The following WAC variants were observed in gnomAD, a reference collection of about 807,000 sequenced individuals.
WAC encodes the protein WW domain-containing adapter protein with coiled-coil.
Under a neutral mutation model 79.6 loss-of-function variants are expected in WAC, and 11 were observed. The ratio of observed to expected loss-of-function variants is 0.14; its 90% CI spans 0.09 to 0.23. WAC has a LOEUF of 0.23. Among genes scored for constraint, WAC ranks in the 10% least tolerant of loss-of-function variants. The pLI, the probability that WAC is intolerant of heterozygous loss-of-function variation, is 1.00. For synonymous variants in WAC, 304 were observed against 276.9 expected (o/e 1.10, Z -0.97); for missense variants, 728 against 773.5 (o/e 0.94, Z 0.70).
At chr10:28,572,521 C>A (rs1271306161) in intron 3 of WAC, among the ~76,000 whole-genome samples, 4 of 151,984 alleles carry the variant, frequency 2.6e-5, no homozygotes, top group African/African-American at 9.7e-5. Context: ...ATCTAAAAAT[C>A]TTACTCTTGG....
chr10:28,569,030 G>A (rs373683041), intron 3 of WAC, among the ~76,000 whole-genome samples: 8 of 152,144 alleles, frequency 5.3e-5, no homozygotes, highest in African/African-American at 1.9e-4. Flanking sequence ...AAATGATGGT[G>A]TAAGAGGCAC....
At chr10:28,590,887 T>A in intron 6 of WAC, 55 bp downstream of exon 6, 1 of 1,365,930 alleles carries the variant, frequency 7.3e-7, no homozygotes, top group Non-Finnish European at 1.0e-6. Flanking sequence ...CGTATTTATT[T>A]TTCAAATCTG....
Position 28,596,066 on chromosome 10 carries a change from C to T in WAC, c.919+25C>T, listed in dbSNP as rs1312068078. On this transcript the variant is annotated intron_variant, in intron 7 of 13. Transcript: ENST00000354911. ...GGTATGCCATTATTACTAGATGCTGCACGTTGAACTATAGTTTCTAAGTTT... is the reference window on the plus strand; with the variant it reads ...GGTATGCCATTATTACTAGATGCTGTACGTTGAACTATAGTTTCTAAGTTT... 3.4e-5 allele frequency: 54 copies of T among 1,593,274 alleles called. No individual in the cohort carries two copies. The East Asian group carries it at 1.2e-3, about 36-fold the overall frequency.
chr10:28,619,466 T>TTA (rs1325577941), intron 13 of WAC, 71 bp from the exon 14 acceptor site: 7 of 1,173,692 alleles, frequency 6.0e-6, no homozygotes, highest in South Asian at 3.3e-5. Flanking sequence ...AAAATTTTAA[T>TTA]TATAAAAGCT....
At chr10:28,559,956 T>G (rs952597357) in intron 3 of WAC, among the ~76,000 whole-genome samples, 1 of 152,210 alleles carries the variant, frequency 6.6e-6, no homozygotes, top group Non-Finnish European at 1.5e-5. Context: ...TTCCTCTGAA[T>G]AGAATGACTT....
chr10:28,600,017 C>T, intron 7 of WAC, among the ~76,000 whole-genome samples: 1 of 152,152 alleles, frequency 6.6e-6, no homozygotes, highest in South Asian at 2.1e-4. Flanking sequence ...GGTGAAATGA[C>T]AAAATAGGAA....
chr10:28,534,238 C>G lies in WAC; in HGVS notation c.78+204C>G, dbSNP rs557507265. The G allele has an allele frequency of 6.1e-5, 28 of 458,924 alleles. No individual in the cohort carries two copies. In the South Asian group the frequency reaches 1.1e-3, roughly 18 times the overall value. 28.4% of individuals were successfully genotyped at this position (458,924 alleles called of 1,614,324 possible). On this transcript the variant is annotated intron_variant, in intron 2 of 13. Transcript: ENST00000354911. The stretch of plus-strand genomic sequence containing the variant: ...TTTAGTGACTTATTTTGACAGGTGA[C>G]TGGAGGGAGTTCGCTGATTTAGGAA...
chr10:28,590,880 A>G lies in WAC; in HGVS notation c.610+48A>G, dbSNP rs749956487. 4.2e-6 allele frequency: 6 copies of G among 1,411,986 alleles called. No homozygotes were observed. The South Asian group carries it at 5.1e-5, about 12-fold the overall frequency. 87.5% of individuals were successfully genotyped at this position (1,411,986 alleles called of 1,614,324 possible). ...TGAAATGTATGTTTGACTTATTCGT[A>G]TTTATTTTTCAAATCTGTATCCATT... is the stretch of plus-strand genomic sequence containing the variant. On this transcript the variant is annotated intron_variant, in intron 6 of 13. Transcript: ENST00000354911.
At chr10:28,552,877 G>A (rs1170115836) in intron 3 of WAC, among the ~76,000 whole-genome samples, 3 of 98,246 alleles carry the variant, frequency 3.1e-5, no homozygotes, top group Non-Finnish European at 4.2e-5. Flanking sequence ...TTGTCTTCTT[G>A]GGTAAAGAAC....
chr10:28,555,277 C>T (rs1481614440), intron 3 of WAC, among the ~76,000 whole-genome samples: 4 of 152,166 alleles, frequency 2.6e-5, no homozygotes, highest in African/African-American at 7.2e-5. Flanking sequence ...TCCTGCCTAG[C>T]CCCCTTACCT....
intron 3 of WAC, among the ~76,000 whole-genome samples, chr10:28,560,176 T>G (rs1452204151): frequency 6.6e-6 from 1 of 152,020 alleles, no homozygotes; most frequent in African/African-American, 2.4e-5. Context: ...ACTCTGTTTC[T>G]GCAAAAAATA....
At chr10:28,539,262 A>G (rs1023489743) in intron 3 of WAC, among the ~76,000 whole-genome samples, 1 of 152,224 alleles carries the variant, frequency 6.6e-6, no homozygotes, top group Non-Finnish European at 1.5e-5. Flanking sequence ...GGACTTGCAG[A>G]TACAATATAA....
intron 9 of WAC, chr10:28,611,143 A>G: frequency 1.1e-5 from 8 of 720,612 alleles, no homozygotes; most frequent in Non-Finnish European, 1.6e-5. Context: ...GATGTGCCAT[A>G]TATCTTTGTG....
intron 2 of WAC, chr10:28,534,419 TA>T (rs762774769): frequency 2.2e-4 from 44 of 198,482 alleles, no homozygotes; most frequent in Admixed American, 4.2e-4. Context: ...GTATTAAAAT[TA>T]AGTGAAGAAC....
chr10:28,555,285 C>T (rs1161808985), intron 3 of WAC, among the ~76,000 whole-genome samples: 1 of 152,220 alleles, frequency 6.6e-6, no homozygotes, highest in African/African-American at 2.4e-5. Context: ...AGCCCCCTTA[C>T]CTCTCCAACC....
At chr10:28,603,830 A>T (rs1840757980) in intron 7 of WAC, among the ~76,000 whole-genome samples, 1 of 150,400 alleles carries the variant, frequency 6.6e-6, no homozygotes, top group African/African-American at 2.5e-5. Flanking sequence ...GCTACTCGGG[A>T]GGCTGAGGCA....
intron 7 of WAC, among the ~76,000 whole-genome samples, chr10:28,598,346 A>G (rs1840481809): frequency 6.6e-6 from 1 of 151,662 alleles, no homozygotes; most frequent in South Asian, 2.1e-4. Context: ...ACTTGCCATT[A>G]TCTTTCCTGT....
intron 3 of WAC, among the ~76,000 whole-genome samples, chr10:28,581,878 A>C (rs930416676): frequency 9.2e-5 from 14 of 152,160 alleles, no homozygotes; most frequent in Non-Finnish European, 1.9e-4. Flanking sequence ...TTCATAGAGC[A>C]TTTATTGAGG....
chr10:28,614,526 A>G (rs1841393708), intron 10 of WAC, 41 bp from the exon 11 acceptor site: 1 of 1,491,412 alleles, frequency 6.7e-7, no homozygotes, highest in Non-Finnish European at 9.3e-7. Flanking sequence ...AGAGATGTGG[A>G]TTAGATTTGG....
Sources: gnomAD v4.1 joint callset for allele counts (sites outside exome capture counted in the v4.1 genomes callset) on GRCh38, gnomAD v4.1.1 for gene constraint, MANE v1.5 for transcripts, NCBI Gene and HGNC (gene_info 2026-07-23, HGNC 2026-07-21) for gene names.